GABRB3: variants seen among roughly 807,000 people sequenced by gnomAD.
GABRB3 encodes the protein gamma-aminobutyric acid type A receptor subunit beta3.
A neutral mutation model predicts 52.1 loss-of-function variants in GABRB3; 14 were observed. The observed-to-expected ratio is 0.27, with a 90% CI of 0.18 to 0.42. GABRB3 has a LOEUF of 0.42. GABRB3 is among the 10% of genes least tolerant of loss of function. GABRB3 has a pLI of 1.00. For synonymous variants in GABRB3, 260 were observed against 232.3 expected, an observed-to-expected ratio of 1.12 and a Z score of -1.08; for missense variants, 307 against 609.1, an observed-to-expected ratio of 0.50 and a Z score of 5.22.
rs924925505 is a variant in GABRB3, at chr15:26,621,755, C to T, written c.241-221G>A. ...GTCTGTGTGTGTCACGTATAGATGTCCTCTGTTTTACTTAGGTTAAGAAGC... is the reference window on the plus strand; with the variant it reads ...GTCTGTGTGTGTCACGTATAGATGTTCTCTGTTTTACTTAGGTTAAGAAGC... On this transcript the variant is annotated intron_variant, in intron 3 of 8. Coordinates refer to ENST00000311550, the MANE Select transcript of GABRB3 (RefSeq NM_000814.6). This position sits in a 1 kb window ranked among gnomAD's most constrained non-coding sequence, Gnocchi z 4.1. Among the ~76,000 whole-genome samples the T allele has an allele frequency of 1.3e-5, 2 of 152,098 alleles. No individual in the cohort carries two copies. The highest frequency in any genetic ancestry group is 2.9e-5 in the Non-Finnish European group (2 of 68,014).
chr15:26,629,502 G>T (rs1361853196), intron 3 of GABRB3, among the ~76,000 whole-genome samples: 2 of 152,310 alleles, frequency 1.3e-5, no homozygotes, highest in East Asian at 3.9e-4. Context: ...GAATGTGTTG[G>T]CAGGAGGAGG....
At position 26,730,413 on chromosome 15, in the gene GABRB3, G is replaced by A. The variant is rs1384724295; in HGVS notation, c.240+41989C>T. The stretch of plus-strand genomic sequence containing the variant: ...AGCCTGGGCGACAGAGCGAGACTCC[G>A]TCTCAAAAAAAAAAAAAAAAAAAAA... On this transcript the variant is annotated intron_variant, in intron 3 of 8. Transcript: ENST00000311550. 1.1e-3 allele frequency among the ~76,000 whole-genome samples: 74 copies of A among 65,522 alleles called. 1 individual carries two copies. Among genetic ancestry groups the A allele is most frequent in the African/African-American group, 4.2e-3 (67 of 16,144 alleles). 43.0% of individuals were successfully genotyped at this position (65,522 alleles called of 152,430 possible). A position where few individuals can be genotyped will look rare whatever the true frequency, so the allele number is the denominator to read the frequency against.
At chr15:26,557,245 AAGGAAACAGC>A (rs1339160134) in intron 8 of GABRB3, among the ~76,000 whole-genome samples, 1 of 152,180 alleles carries the variant, frequency 6.6e-6, no homozygotes, top group African/African-American at 2.4e-5. Flanking sequence ...GGACGAAAAA[AAGGAAACAGC>A]AGACACCAGG....
At chr15:26,548,903 A>C (rs796804150) in intron 8 of GABRB3, among the ~76,000 whole-genome samples, 8 of 152,310 alleles carry the variant, frequency 5.3e-5, no homozygotes, top group African/African-American at 1.9e-4. Context: ...TGGGGGCCCC[A>C]GTAGAGTCCT....
At position 26,553,926 on chromosome 15, in the gene GABRB3, G is replaced by A. The variant is rs537098858; in HGVS notation, c.1081-5792C>T. Among the ~76,000 whole-genome samples, 773 of 146,744 alleles carry A rather than the reference G, an allele frequency of 5.3e-3. 6 individuals carry two copies. The highest frequency in any genetic ancestry group is 0.019 in the African/African-American group (749 of 39,678). On this transcript the variant is annotated intron_variant, in intron 8 of 8. Coordinates refer to ENST00000311550, the MANE Select transcript of GABRB3 (RefSeq NM_000814.6). ...GTCTTGCTCTGTTGCCTAGGCTTGA[G>A]TCCAGTGGCGTGACCATAGCTCACA... is the stretch of plus-strand genomic sequence containing the variant.
intron 3 of GABRB3, chr15:26,716,487 T>C (rs1210664230): frequency 3.3e-6 from 2 of 597,110 alleles, no homozygotes; most frequent in Non-Finnish European, 4.2e-6. Flanking sequence ...ACAATTGCCA[T>C]GAAGAAACGA....
At chr15:26,768,358 T>C (rs1175959572) in intron 3 of GABRB3, among the ~76,000 whole-genome samples, 1 of 152,198 alleles carries the variant, frequency 6.6e-6, no homozygotes, top group African/African-American at 2.4e-5. Context: ...AGATAGTTAA[T>C]GAAGTAAAAA....
chr15:26,640,036 C>A (rs185107442), intron 3 of GABRB3, among the ~76,000 whole-genome samples: 1 of 152,274 alleles, frequency 6.6e-6, no homozygotes, highest in Admixed American at 6.5e-5. Context: ...AAACGGAGAG[C>A]ATTGTTTTAA....
intron 3 of GABRB3, among the ~76,000 whole-genome samples, chr15:26,757,747 T>C (rs1890702395): frequency 6.6e-6 from 1 of 152,260 alleles, no homozygotes; most frequent in South Asian, 2.1e-4. Flanking sequence ...CAAAGTTCAC[T>C]GTTTTGCCTC....
At chr15:26,691,782 CAAAG>C (rs745829408) in intron 3 of GABRB3, among the ~76,000 whole-genome samples, 1 of 145,104 alleles carries the variant, frequency 6.9e-6, no homozygotes, top group Non-Finnish European at 1.5e-5. Context: ...ACAAAGAAAA[CAAAG>C]AAAGAAAGAA....
chr15:26,664,699 T>C lies in GABRB3; in HGVS notation c.241-43165A>G, dbSNP rs1428887555. ...CAAGCCCTTATCATTTCTTTTCTTT[T>C]CTTTGTTTTTTTTTTTTTTTTTTTG... is the stretch of plus-strand genomic sequence containing the variant. On this transcript the variant is annotated intron_variant, in intron 3 of 8. Transcript: ENST00000311550. 4.4e-5 allele frequency among the ~76,000 whole-genome samples: 6 copies of C among 137,228 alleles called. No homozygotes were observed. The East Asian group carries it at 1.4e-3, about 31-fold the overall frequency. The allele number at this position is 137,228 out of a possible 152,430, so 90.0% of individuals were successfully genotyped here. A position where few individuals can be genotyped will look rare whatever the true frequency, so the allele number is the denominator to read the frequency against.
chr15:26,754,109 A>G (rs1435569592), intron 3 of GABRB3, among the ~76,000 whole-genome samples: 1 of 152,240 alleles, frequency 6.6e-6, no homozygotes, highest in Non-Finnish European at 1.5e-5. Context: ...TAAACCCATG[A>G]TTTAAAGGAG....
Position 26,632,219 on chromosome 15 carries a change from T to C in GABRB3, c.241-10685A>G, listed in dbSNP as rs1892931337. 2.6e-5 allele frequency among the ~76,000 whole-genome samples: 4 copies of C among 152,348 alleles called. No individual in the cohort carries two copies. The South Asian group carries it at 6.2e-4, about 24-fold the overall frequency. On this transcript the variant is annotated intron_variant, in intron 3 of 8. Transcript: ENST00000311550. ...TACAGCAATGCGAAAGAAGTATATA[T>C]GTAAGGGTCCTCTCACTCAGCCTAG...
At chr15:26,598,430 G>C (rs979756267) in intron 4 of GABRB3, among the ~76,000 whole-genome samples, 3 of 152,096 alleles carry the variant, frequency 2.0e-5, no homozygotes, top group African/African-American at 7.2e-5. Flanking sequence ...CCACCCCACA[G>C]AGAAAGATCA....
At chr15:26,758,631 C>T (rs1890727013) in intron 3 of GABRB3, among the ~76,000 whole-genome samples, 2 of 152,114 alleles carry the variant, frequency 1.3e-5, no homozygotes, top group African/African-American at 4.8e-5. Context: ...CCAACCAATG[C>T]CCACGATCTA....
chr15:26,684,307 G>A (rs1001427), intron 3 of GABRB3, among the ~76,000 whole-genome samples: 2,095 of 152,262 alleles, frequency 0.014, 40 homozygotes, highest in African/African-American at 0.048. Context: ...TGGACGCAGG[G>A]TGGAGGTCTG....
chr15:26,595,563 T>C (rs901727894), intron 4 of GABRB3, among the ~76,000 whole-genome samples: 1 of 152,172 alleles, frequency 6.6e-6, no homozygotes, highest in African/African-American at 2.4e-5. Flanking sequence ...CTTCTAGTTT[T>C]TGTTTTGTTT....
At chr15:26,602,889 A>T (rs1891639777) in intron 4 of GABRB3, among the ~76,000 whole-genome samples, 1 of 152,058 alleles carries the variant, frequency 6.6e-6, no homozygotes, top group African/African-American at 2.4e-5. Flanking sequence ...ACCCCAAATT[A>T]ATAGAAGAAA....
rs1889284699 is a variant in GABRB3 at position 26,547,239 on chromosome 15, G to C, written c.*554C>G. 6.5e-6 allele frequency: 2 copies of C among 306,582 alleles called. No individual in the cohort carries two copies. Among genetic ancestry groups the C allele is most frequent in the Non-Finnish European group, 1.2e-5 (2 of 168,582 alleles). The allele number at this position is 306,582 out of a possible 1,614,324, so 19.0% of individuals were successfully genotyped here. ...GAAAACAAACCCCATCACCAGAGAAGCCAAGAAGCCTTTGCTTACTAAACT... is the reference window on the plus strand; with the variant it reads ...GAAAACAAACCCCATCACCAGAGAACCCAAGAAGCCTTTGCTTACTAAACT... On this transcript the variant is annotated 3_prime_UTR_variant, in exon 9 of 9. Coordinates refer to ENST00000311550, the MANE Select transcript of GABRB3 (RefSeq NM_000814.6).
Sources: allele counts gnomAD v4.1 joint callset (sites outside exome capture counted in the v4.1 genomes callset), GRCh38; gene constraint gnomAD v4.1.1; non-coding constraint Gnocchi (gnomAD v3.1); transcripts MANE v1.5; gene names NCBI Gene and HGNC (gene_info 2026-07-23, HGNC 2026-07-21).